Variants in TUBA1C observed in about 807,000 individuals in gnomAD.
The protein encoded by TUBA1C is tubulin alpha-1C chain.
TUBA1C carries 16 observed loss-of-function variants against 34.9 expected under a neutral mutation model. The observed-to-expected ratio is 0.46, with a 90% confidence interval of 0.31 to 0.70. TUBA1C has a LOEUF of 0.70. TUBA1C is among the 30% of genes least tolerant of loss of function. The pLI is 0.05. For missense variants in TUBA1C, 329 were observed against 587.3 expected (o/e 0.56, Z 4.55); for synonymous variants, 177 against 215.9 (o/e 0.82, Z 1.58).
chr12:49,239,493 T>C (rs1156716921), intron 1 of TUBA1C, among the ~76,000 whole-genome samples: 1 of 151,744 alleles, frequency 6.6e-6, no homozygotes, highest in Non-Finnish European at 1.5e-5. Context: ...ATACAAAAAT[T>C]AGCCAGGTGT....
chr12:49,268,551 C>CGGT (rs1377045699), intron 1 of TUBA1C, among the ~76,000 whole-genome samples: 1 of 152,078 alleles, frequency 6.6e-6, no homozygotes, highest in Non-Finnish European at 1.5e-5. Context: ...ATTTCTTAAC[C>CGGT]TATCAGTAAA....
chr12:49,259,233 ACTTT>A (rs1942818585), intron 1 of TUBA1C, among the ~76,000 whole-genome samples: 1 of 151,176 alleles, frequency 6.6e-6, no homozygotes, highest in East Asian at 2.0e-4. Context: ...AGATACAAAT[ACTTT>A]CTTTTTTTTT....
At chr12:49,232,013 G>T (rs1942503207) in intron 1 of TUBA1C, among the ~76,000 whole-genome samples, 1 of 152,148 alleles carries the variant, frequency 6.6e-6, no homozygotes, top group African/African-American at 2.4e-5. Flanking sequence ...CCTGGCTGGG[G>T]GTGGCTCTCA....
chr12:49,227,957 A>G (rs1224107290), exon 1 of TUBA1C: 1 of 1,535,522 alleles, frequency 6.5e-7, no homozygotes, highest in African/African-American at 1.4e-5. Context: ...CTCTAAAATG[A>G]CAGCCTGGTT....
chr12:49,272,108 G>GT, intron 3 of TUBA1C, 145 bp from the exon 4 acceptor site: 2 of 1,403,138 alleles, frequency 1.4e-6, no homozygotes, highest in Non-Finnish European at 1.9e-6. Context: ...GATTACAGGC[G>GT]TGAGCCACTG....
At chr12:49,254,203 C>T (rs377107005) in intron 1 of TUBA1C, among the ~76,000 whole-genome samples, 1 of 152,052 alleles carries the variant, frequency 6.6e-6, no homozygotes, top group South Asian at 2.1e-4. Flanking sequence ...CCCAGCTACT[C>T]GGGAGGCTGA....
At chr12:49,249,543 C>T (rs1157410208) in intron 1 of TUBA1C, among the ~76,000 whole-genome samples, 2 of 152,092 alleles carry the variant, frequency 1.3e-5, no homozygotes, top group African/African-American at 2.4e-5. Flanking sequence ...AGAAAATCAA[C>T]GAACAAAAAG....
chr12:49,238,362 G>A (rs1426026632), intron 1 of TUBA1C, among the ~76,000 whole-genome samples: 1 of 152,156 alleles, frequency 6.6e-6, no homozygotes, highest in African/African-American at 2.4e-5. Flanking sequence ...TTTGTGTGGG[G>A]ATTTTTCCCC....
intron 3 of TUBA1C, among the ~76,000 whole-genome samples, chr12:49,271,922 C>T (rs1942996125): frequency 6.6e-6 from 1 of 151,896 alleles, no homozygotes; most frequent in South Asian, 2.1e-4. Context: ...TTTTTCTGCT[C>T]AAGGACTTGA....
At chr12:49,253,942 T>G (rs568182985) in intron 1 of TUBA1C, among the ~76,000 whole-genome samples, 4 of 152,218 alleles carry the variant, frequency 2.6e-5, no homozygotes, top group East Asian at 1.9e-4. Flanking sequence ...AATACAGAAC[T>G]GGGGCACAGG....
rs1942887270 is a variant in TUBA1C, at chr12:49,265,115, T to C, written c.-67T>C. The C allele has an allele frequency of 1.3e-6, 2 of 1,580,288 alleles. No individual in the cohort carries two copies. The highest frequency in any genetic ancestry group is 1.7e-6 in the Non-Finnish European group (2 of 1,158,604). On this transcript the variant is annotated 5_prime_UTR_variant, in exon 1 of 4. Coordinates refer to ENST00000301072, the MANE Select transcript of TUBA1C (RefSeq NM_032704.5). The stretch of plus-strand genomic sequence containing the variant: ...TCCCCCGGACTCCTTGGTAGTCTGT[T>C]AGTGGGAGATCCTTGTTGCCGTCCC...
At position 49,273,690 on chromosome 12, in the gene TUBA1C, A is replaced by T. The variant is rs1445283840; in HGVS notation, c.*463A>T. ...GAGCCACTGCCCAGCTTCTTGGTTT[A>T]TCTGTTTAATTTGGGCCTGAATTAA... On this transcript the variant is annotated 3_prime_UTR_variant, in exon 4 of 4. Coordinates refer to ENST00000301072, the MANE Select transcript of TUBA1C (RefSeq NM_032704.5). 1 of 217,170 alleles carries T rather than the reference A, an allele frequency of 4.6e-6. No individual in the cohort carries two copies. The highest frequency in any genetic ancestry group is 2.3e-5 in the African/African-American group (1 of 43,204). 13.5% of individuals were successfully genotyped at this position (217,170 alleles called of 1,614,324 possible).
At chr12:49,228,105 C>A (rs1942458906) in exon 1 of TUBA1C, 1 of 1,535,686 alleles carries the variant, frequency 6.5e-7, no homozygotes. Context: ...CTTCAGCTCC[C>A]TGCGCCTTTT....
At position 49,273,282 on chromosome 12, in the gene TUBA1C, TGTAAATGTCTATTGCC is replaced by T. The variant is rs1319653734; in HGVS notation, c.*62_*77del. On this transcript the variant is annotated 3_prime_UTR_variant, in exon 4 of 4. Transcript: ENST00000301072. Reference sequence around the variant, plus strand: ...TCTTGGAACTGTCTTATTTTTGTTCTGTAAATGTCTATTGCCGTAAATTGTTAATAAAATTGAAGTT... The same window carrying T: ...TCTTGGAACTGTCTTATTTTTGTTCTGTAAATTGTTAATAAAATTGAAGTT... The T allele has an allele frequency of 1.9e-6, 3 of 1,613,810 alleles. No individual in the cohort carries two copies. The African/African-American group carries it at 4.0e-5, about 22-fold the overall frequency.
chr12:49,272,270 T>A lies in TUBA1C; in HGVS notation c.393T>A (p.Gly131=). The A allele has an allele frequency of 1.9e-6, 3 of 1,611,936 alleles. No individual in the cohort carries two copies. Among genetic ancestry groups the A allele is most frequent in the Non-Finnish European group, 2.5e-6 (3 of 1,178,882 alleles). ...RIRKLADQCT[G]LQGFLVFHSF... is the part of the protein sequence containing the mutation. ...TTTTGCAGGCTGACCAGTGCACCGG[T>A]CTTCAGGGCTTCTTGGTTTTCCACA... is the stretch of plus-strand genomic sequence containing the variant. Residue 131 remains glycine (G), a synonymous_variant, in exon 4 of 4, where the codon GGT becomes GGA. Transcript: ENST00000301072.
Position 49,272,977 on chromosome 12 carries a change from A to G in TUBA1C, c.1100A>G (p.Asp367Gly). Residue 367 changes from aspartate (D) to glycine (G), a missense_variant, in exon 4 of 4, where the codon GAC becomes GGC. Asp to Gly is a moderately conservative substitution (Grantham distance 94, BLOSUM62 -1). Transcript: ENST00000301072. The part of the protein sequence containing the change: ...YQPPTVVPGG[D>G]LAKVQRAVCM... ...CCTCCCACTGTGGTGCCTGGCGGAGACCTGGCCAAGGTACAGAGAGCTGTG... is the reference window on the plus strand; with the variant it reads ...CCTCCCACTGTGGTGCCTGGCGGAGGCCTGGCCAAGGTACAGAGAGCTGTG... 2 of 1,614,198 alleles carry G rather than the reference A, an allele frequency of 1.2e-6. No homozygotes were observed. Among genetic ancestry groups the G allele is most frequent in the Non-Finnish European group, 1.7e-6 (2 of 1,180,036 alleles).
chr12:49,251,368 T>G (rs1942730302), intron 1 of TUBA1C, among the ~76,000 whole-genome samples: 1 of 152,198 alleles, frequency 6.6e-6, no homozygotes, highest in Non-Finnish European at 1.5e-5. Flanking sequence ...TTCTATAAAT[T>G]CAATATTACT....
At chr12:49,266,598 C>T (rs1396128069) in intron 1 of TUBA1C, among the ~76,000 whole-genome samples, 1 of 152,184 alleles carries the variant, frequency 6.6e-6, no homozygotes, top group African/African-American at 2.4e-5. Flanking sequence ...GTTGTAATCC[C>T]AGCACTTTGG....
intron 1 of TUBA1C, among the ~76,000 whole-genome samples, chr12:49,228,798 C>T (rs1467228557): frequency 6.6e-6 from 1 of 152,198 alleles, no homozygotes; most frequent in African/African-American, 2.4e-5. Context: ...TTACAAGTCT[C>T]TGTTCCCCAG....
Sources: allele counts gnomAD v4.1 joint callset (sites outside exome capture counted in the v4.1 genomes callset), GRCh38; gene constraint gnomAD v4.1.1; transcripts MANE v1.5; gene names NCBI Gene and HGNC (gene_info 2026-07-23, HGNC 2026-07-21).